ADAMTSL3: variants seen among roughly 807,000 people sequenced by gnomAD.
ADAMTSL3 encodes the protein ADAMTS-like protein 3.
A neutral mutation model predicts 201.7 loss-of-function variants in ADAMTSL3; 128 were observed. That is an observed-to-expected ratio of 0.63 (90% CI 0.55 to 0.73). The LOEUF (loss-of-function observed/expected upper bound fraction) is 0.73, where lower values mean the gene tolerates loss of function less well. ADAMTSL3 is among the 30% of genes least tolerant of loss of function. The probability of loss-of-function intolerance (pLI) is 0.00; values close to 1 mark genes in which losing one functional copy is unlikely to be tolerated. For missense variants in ADAMTSL3, 1,990 were observed against 2,119.6 expected (o/e 0.94, Z 1.20); for synonymous variants, 738 against 748.4 (o/e 0.99, Z 0.23).
intron 2 of ADAMTSL3, among the ~76,000 whole-genome samples, chr15:83,674,845 G>GA (rs2061381519): frequency 1.3e-5 from 2 of 148,352 alleles, no homozygotes; most frequent in Admixed American, 6.8e-5. Context: ...GCTTTTGGGG[G>GA]AGGATAAACA....
At chr15:83,970,807 T>C (rs776383881) in intron 20 of ADAMTSL3, among the ~76,000 whole-genome samples, 170 bp downstream of exon 20, 1 of 152,232 alleles carries the variant, frequency 6.6e-6, no homozygotes, top group African/African-American at 2.4e-5. Context: ...GACCAAGATA[T>C]AGTTCTAAGA....
intron 15 of ADAMTSL3, among the ~76,000 whole-genome samples, chr15:83,907,097 GAAA>G (rs765994439): frequency 2.7e-5 from 2 of 74,258 alleles, no homozygotes; most frequent in Non-Finnish European, 4.7e-5. Context: ...CTGTCTCTGG[GAAA>G]AAAAAAAAAA....
At chr15:83,834,263 A>C (rs1402041155) in intron 6 of ADAMTSL3, among the ~76,000 whole-genome samples, 1 of 152,228 alleles carries the variant, frequency 6.6e-6, no homozygotes, top group South Asian at 2.1e-4. Context: ...GACACAGATC[A>C]ATCACTTAGA....
At chr15:83,674,052 GTT>G (rs35560182) in intron 2 of ADAMTSL3, among the ~76,000 whole-genome samples, 3 of 136,650 alleles carry the variant, frequency 2.2e-5, no homozygotes, top group Non-Finnish European at 3.2e-5. Context: ...TTATTTTTAT[GTT>G]TTTTTTTTTT....
chr15:83,860,548 CA>C (rs1000814180), intron 8 of ADAMTSL3, among the ~76,000 whole-genome samples: 1 of 151,916 alleles, frequency 6.6e-6, no homozygotes, highest in Non-Finnish European at 1.5e-5. Context: ...GCTTAAAAAA[CA>C]AAAAAATGCA....
At chr15:83,717,716 A>G (rs1428865184) in intron 3 of ADAMTSL3, among the ~76,000 whole-genome samples, 2 of 152,242 alleles carry the variant, frequency 1.3e-5, no homozygotes, top group African/African-American at 2.4e-5. Flanking sequence ...ATAAAAGCAA[A>G]AAAACCTATG....
At chr15:83,974,062 T>C (rs1383734298) in intron 20 of ADAMTSL3, among the ~76,000 whole-genome samples, 1 of 152,146 alleles carries the variant, frequency 6.6e-6, no homozygotes. Context: ...CGCCTGCTTC[T>C]CCCCAAACAA....
At chr15:83,875,336 A>G (rs974864110) in intron 9 of ADAMTSL3, among the ~76,000 whole-genome samples, 2 of 152,194 alleles carry the variant, frequency 1.3e-5, no homozygotes, top group Non-Finnish European at 2.9e-5. Context: ...TGCCTTCAGT[A>G]CCCTTGCTGT....
chr15:83,925,793 G>A lies in ADAMTSL3; in HGVS notation c.2117+1760G>A, dbSNP rs532991106. On this transcript the variant is annotated intron_variant, in intron 17 of 29. Coordinates refer to ENST00000286744, the MANE Select transcript of ADAMTSL3 (RefSeq NM_207517.3). ...TTTCTGTTCTATTATTGGAACCACT[G>A]AATTAGATACTTTTGGAAAAGCTGG... Among the ~76,000 whole-genome samples, 13 of 152,242 alleles carry A rather than the reference G, an allele frequency of 8.5e-5. No individual in the cohort carries two copies. The South Asian group carries it at 2.7e-3, about 32-fold the overall frequency.
intron 5 of ADAMTSL3, among the ~76,000 whole-genome samples, chr15:83,818,558 C>T (rs2063804166): frequency 6.6e-6 from 1 of 152,216 alleles, no homozygotes; most frequent in Non-Finnish European, 1.5e-5. Context: ...AGCTCCTGAC[C>T]TCAGGTGATC....
intron 14 of ADAMTSL3, 98 bp from the exon 15 acceptor site, chr15:83,899,549 C>T: frequency 1.6e-6 from 2 of 1,213,520 alleles, no homozygotes; most frequent in South Asian, 2.9e-5. Context: ...AAAACATGAC[C>T]TCTTTATAAA....
intron 2 of ADAMTSL3, among the ~76,000 whole-genome samples, chr15:83,688,443 A>C (rs2061565745): frequency 6.6e-6 from 1 of 152,248 alleles, no homozygotes; most frequent in Non-Finnish European, 1.5e-5. Flanking sequence ...ATCAGCTGTT[A>C]CAAATATGTT....
chr15:84,019,819 G>A (rs1877654128), intron 25 of ADAMTSL3, among the ~76,000 whole-genome samples: 1 of 151,126 alleles, frequency 6.6e-6, no homozygotes, highest in South Asian at 2.1e-4. Context: ...TTGAACCTGG[G>A]GAGGCAGAGG....
intron 13 of ADAMTSL3, 45 bp downstream of exon 13, chr15:83,892,933 A>T (rs1454834041): frequency 6.4e-7 from 1 of 1,572,956 alleles, no homozygotes; most frequent in Non-Finnish European, 8.7e-7. Context: ...CTCATATTTT[A>T]AGGGATATTT....
chr15:83,714,794 TC>T (rs1447766291), intron 3 of ADAMTSL3, among the ~76,000 whole-genome samples: 224 of 51,000 alleles, frequency 4.4e-3, no homozygotes, highest in Non-Finnish European at 6.9e-3. Context: ...TTTTTCTTTC[TC>T]TCTCTTTCTT....
intron 2 of ADAMTSL3, among the ~76,000 whole-genome samples, chr15:83,676,793 G>A (rs1486299881): frequency 6.6e-6 from 1 of 152,196 alleles, no homozygotes. Context: ...TTATAAAATA[G>A]GCCAAAAGGC....
At chr15:83,785,738 C>T (rs2063251235) in intron 4 of ADAMTSL3, among the ~76,000 whole-genome samples, 1 of 152,038 alleles carries the variant, frequency 6.6e-6, no homozygotes, top group Non-Finnish European at 1.5e-5. Context: ...TTCATGAATA[C>T]CAGTAATTTC....
chr15:83,687,213 A>G, intron 2 of ADAMTSL3, among the ~76,000 whole-genome samples: 1 of 152,322 alleles, frequency 6.6e-6, no homozygotes, highest in East Asian at 1.9e-4. Context: ...CTAAAATAAA[A>G]TAAAATTAAA....
At position 83,913,267 on chromosome 15, in the gene ADAMTSL3, G is replaced by A. The variant is rs1396371366; in HGVS notation, c.1876G>A (p.Asp626Asn). 2 of 1,614,106 alleles carry A rather than the reference G, an allele frequency of 1.2e-6. No homozygotes were observed. Among genetic ancestry groups the A allele is most frequent in the South Asian group, 2.2e-5 (2 of 91,068 alleles). Reference protein sequence around the residue: ...TERPCLLEACDESPASRELDI... With the variant: ...TERPCLLEACNESPASRELDI... The stretch of plus-strand genomic sequence containing the variant: ...ACGGCCCTGCCTCCTGGAAGCATGT[G>A]ATGAGAGCCCGGCCTCCCGAGAGCT... The change falls in exon 16 of 30, where the codon GAT becomes AAT. Residue 626 changes from aspartate to asparagine, a missense_variant. Coordinates refer to ENST00000286744, the MANE Select transcript of ADAMTSL3 (RefSeq NM_207517.3).
Sources: allele counts gnomAD v4.1 joint callset (sites outside exome capture counted in the v4.1 genomes callset), GRCh38; gene constraint gnomAD v4.1.1; transcripts MANE v1.5; gene names NCBI Gene and HGNC (gene_info 2026-07-23, HGNC 2026-07-21).